Variants in DNAJC6 observed in about 807,000 individuals in gnomAD.
The protein encoded by DNAJC6 is DnaJ heat shock protein family (Hsp40) member C6.
A neutral mutation model predicts 110.0 loss-of-function variants in DNAJC6; 34 were observed. The ratio of observed to expected loss-of-function variants is 0.31; its 90% CI spans 0.24 to 0.41. The LOEUF (loss-of-function observed/expected upper bound fraction) is 0.41, where lower values mean the gene tolerates loss of function less well. Among genes scored for constraint, DNAJC6 ranks in the 10% least tolerant of loss-of-function variants. The pLI is 1.00. For synonymous variants in DNAJC6, 406 were observed against 437.2 expected, an observed-to-expected ratio of 0.93 and a Z score of 0.89; for missense variants, 1,031 against 1,207.8, an observed-to-expected ratio of 0.85 and a Z score of 2.17.
At chr1:65,287,214 G>T (rs1484047797) in intron 1 of DNAJC6, among the ~76,000 whole-genome samples, 2 of 152,118 alleles carry the variant, frequency 1.3e-5, no homozygotes, top group Non-Finnish European at 2.9e-5. Context: ...ATTTGTGGTG[G>T]TATATTTGTG....
intron 1 of DNAJC6, among the ~76,000 whole-genome samples, chr1:65,291,608 A>G (rs909221906): frequency 6.6e-6 from 1 of 152,224 alleles, no homozygotes; most frequent in African/African-American, 2.4e-5. Flanking sequence ...TGAGTGGGAT[A>G]AAGCTGAGCC....
intron 4 of DNAJC6, among the ~76,000 whole-genome samples, chr1:65,378,270 A>G (rs1404001509): frequency 6.6e-6 from 1 of 152,092 alleles, no homozygotes; most frequent in Non-Finnish European, 1.5e-5. Context: ...TAGATCTGAG[A>G]GTCATTCTCC....
At chr1:65,312,163 G>A (rs950829727) in intron 1 of DNAJC6, among the ~76,000 whole-genome samples, 1 of 152,192 alleles carries the variant, frequency 6.6e-6, no homozygotes, top group Admixed American at 6.5e-5. Context: ...GATCAAAGTG[G>A]TGTTGTGTGA....
At chr1:65,279,970 A>G (rs115425816) in intron 1 of DNAJC6, 2,174 of 154,080 alleles carry the variant, frequency 0.014, 49 homozygotes, top group African/African-American at 0.051. Flanking sequence ...TTAGCAAGGT[A>G]GACAGGTTCC....
intron 14 of DNAJC6, among the ~76,000 whole-genome samples, chr1:65,399,103 A>T (rs1646006401): frequency 6.6e-6 from 1 of 152,184 alleles, no homozygotes; most frequent in South Asian, 2.1e-4. Context: ...CATTTGCTGA[A>T]TGTCTTATCT....
At chr1:65,277,132 G>A (rs140964390) in intron 1 of DNAJC6, among the ~76,000 whole-genome samples, 103 of 152,078 alleles carry the variant, frequency 6.8e-4, no homozygotes, top group African/African-American at 1.9e-3. Flanking sequence ...AGTTAAACAC[G>A]TCTGTTTTTT....
intron 1 of DNAJC6, among the ~76,000 whole-genome samples, chr1:65,354,750 T>C (rs770286192): frequency 1.3e-5 from 2 of 152,096 alleles, no homozygotes; most frequent in South Asian, 4.1e-4. Flanking sequence ...AATATAGAAA[T>C]CAATATATAT....
intron 1 of DNAJC6, among the ~76,000 whole-genome samples, chr1:65,272,690 T>TTTTG (rs1653545021): frequency 1.5e-5 from 1 of 67,282 alleles, no homozygotes; most frequent in African/African-American, 3.5e-5. Context: ...AAATATGTTT[T>TTTTG]TTTGTTTGTT....
chr1:65,384,432 C>T (rs1645851321), intron 6 of DNAJC6, 106 bp downstream of exon 6: 1 of 1,129,198 alleles, frequency 8.9e-7, no homozygotes. Flanking sequence ...TTTACTTTAT[C>T]TCTGTATTAG....
intron 1 of DNAJC6, among the ~76,000 whole-genome samples, chr1:65,273,882 T>G (rs1244035929): frequency 6.6e-6 from 1 of 152,162 alleles, no homozygotes; most frequent in Non-Finnish European, 1.5e-5. Context: ...TTTGTGACCC[T>G]TCATATGATC....
chr1:65,340,801 A>G (rs1194730814), intron 1 of DNAJC6, among the ~76,000 whole-genome samples: 2 of 152,182 alleles, frequency 1.3e-5, no homozygotes, highest in South Asian at 2.1e-4. Context: ...ACAGTGTGGC[A>G]TAGGGCTGTG....
At chr1:65,286,968 A>G (rs2101210211) in intron 1 of DNAJC6, among the ~76,000 whole-genome samples, 1 of 152,302 alleles carries the variant, frequency 6.6e-6, no homozygotes, top group South Asian at 2.1e-4. Flanking sequence ...CATGTTTTCT[A>G]TGCTGTTTTG....
intron 17 of DNAJC6, among the ~76,000 whole-genome samples, chr1:65,410,356 A>G (rs1247023985): frequency 6.6e-6 from 1 of 152,190 alleles, no homozygotes; most frequent in Non-Finnish European, 1.5e-5. Flanking sequence ...TTTCATTTGC[A>G]TGTTTTTCAC....
intron 1 of DNAJC6, among the ~76,000 whole-genome samples, chr1:65,341,729 T>C (rs12086738): frequency 0.63 from 95,175 of 151,778 alleles, 31,343 homozygotes; most frequent in African/African-American, 0.84. Flanking sequence ...TGCTGGTGCA[T>C]GTGGCTTTTG....
At position 65,279,192 on chromosome 1, in the gene DNAJC6, C is replaced by T. The variant is rs537897963; in HGVS notation, c.-131+14260C>T. Reference sequence around the variant, plus strand: ...GTGGTTTAAATTTAGAATAACATTTCTACAACTTTGGGGGAGGGGCGGTGA... The same window carrying T: ...GTGGTTTAAATTTAGAATAACATTTTTACAACTTTGGGGGAGGGGCGGTGA... On this transcript the variant is annotated intron_variant, in intron 1 of 19. Coordinates refer to the DNAJC6 transcript ENST00000263441. The T allele has an allele frequency of 9.6e-5, 94 of 983,692 alleles. No individual in the cohort carries two copies. The South Asian group carries it at 3.2e-3, about 33-fold the overall frequency. The allele number at this position is 983,692 out of a possible 1,614,324, so 60.9% of individuals were successfully genotyped here.
chr1:65,288,981 G>A (rs1654107373), intron 1 of DNAJC6, among the ~76,000 whole-genome samples: 1 of 152,072 alleles, frequency 6.6e-6, no homozygotes, highest in Non-Finnish European at 1.5e-5. Flanking sequence ...GTCTTTTGGT[G>A]CCCATGTGAA....
intron 15 of DNAJC6, 74 bp downstream of exon 15, chr1:65,401,954 G>A (rs1250357159): frequency 6.3e-7 from 1 of 1,581,936 alleles, no homozygotes; most frequent in Non-Finnish European, 8.6e-7. Context: ...AGTCTTTGGT[G>A]TTACAGCAAG....
chr1:65,398,927 C>T, intron 14 of DNAJC6, 46 bp downstream of exon 14: 1 of 1,593,820 alleles, frequency 6.3e-7, no homozygotes, highest in African/African-American at 1.3e-5. Context: ...ATTGCAAAAG[C>T]ATAATCCTTA....
intron 1 of DNAJC6, among the ~76,000 whole-genome samples, chr1:65,274,733 A>T (rs920321901): frequency 6.6e-6 from 1 of 152,228 alleles, no homozygotes; most frequent in African/African-American, 2.4e-5. Context: ...TATTTAAACC[A>T]TTTAATATAA....
Sources: allele counts gnomAD v4.1 joint callset (sites outside exome capture counted in the v4.1 genomes callset), GRCh38; gene constraint gnomAD v4.1.1; transcripts MANE v1.5; gene names NCBI Gene and HGNC (gene_info 2026-07-23, HGNC 2026-07-21).